Variants in CNTNAP2 observed in about 807,000 individuals in gnomAD.
The protein encoded by CNTNAP2 is contactin-associated protein-like 2.
A neutral mutation model predicts 155.2 loss-of-function variants in CNTNAP2; 98 were observed. The ratio of observed to expected loss-of-function variants is 0.63; its 90% CI spans 0.54 to 0.75. The LOEUF is 0.75. CNTNAP2 is among the 30% of genes least tolerant of loss of function. CNTNAP2 has a pLI of 0.00. For synonymous variants in CNTNAP2, 651 were observed against 631.2 expected, an observed-to-expected ratio of 1.03 and a Z score of -0.47; for missense variants, 1,727 against 1,688.1, an observed-to-expected ratio of 1.02 and a Z score of -0.40.
At chr7:147,796,570 T>C (rs796884097) in intron 13 of CNTNAP2, among the ~76,000 whole-genome samples, 24 of 139,126 alleles carry the variant, frequency 1.7e-4, no homozygotes, top group African/African-American at 7.0e-4. Context: ...AGGAAGCTGG[T>C]CCAGGATTTA....
In CNTNAP2 at chr7:147,549,155, G is replaced by A. The variant is rs747302858; in HGVS notation, c.1778-12983G>A. On this transcript the variant is annotated intron_variant, in intron 11 of 23. Transcript: ENST00000361727. ...CTGTGAAGAATGTCAATGGTAGTTT[G>A]ATGGGAATAGTATTGAATCTATAAA... Among the ~76,000 whole-genome samples, 8 of 152,174 alleles carry A rather than the reference G, an allele frequency of 5.3e-5. 1 individual carries two copies.
Position 147,008,642 on chromosome 7 carries a change from A to G in CNTNAP2, c.403-35265A>G, listed in dbSNP as rs139232583. On this transcript the variant is annotated intron_variant, in intron 3 of 23. Coordinates refer to ENST00000361727, the MANE Select transcript of CNTNAP2 (RefSeq NM_014141.6). Reference sequence around the variant, plus strand: ...TAAGTAACTCAAAGGATTGGTTACAATGTAGGCTTATATAGCATTCTGACA... The same window carrying G: ...TAAGTAACTCAAAGGATTGGTTACAGTGTAGGCTTATATAGCATTCTGACA... 3.3e-3 allele frequency among the ~76,000 whole-genome samples: 503 copies of G among 152,286 alleles called. 1 individual carries two copies. The highest frequency in any genetic ancestry group is 0.011 in the African/African-American group (474 of 41,582).
intron 12 of CNTNAP2, among the ~76,000 whole-genome samples, chr7:147,607,540 C>T (rs1395341309): frequency 6.6e-6 from 1 of 152,164 alleles, no homozygotes; most frequent in Admixed American, 6.5e-5. Context: ...AAGGGAAAGT[C>T]ACATATAACA....
intron 1 of CNTNAP2, among the ~76,000 whole-genome samples, chr7:146,537,329 G>T (rs1365449644): frequency 2.0e-5 from 3 of 151,880 alleles, no homozygotes; most frequent in African/African-American, 7.3e-5. Flanking sequence ...TGAAATTAAT[G>T]CCTATTTTAA....
intron 1 of CNTNAP2, among the ~76,000 whole-genome samples, chr7:146,607,921 C>T (rs528596538): frequency 1.8e-4 from 28 of 152,222 alleles, no homozygotes; most frequent in African/African-American, 6.5e-4. Context: ...TTTACCATGC[C>T]TCAGTCCCTT....
intron 18 of CNTNAP2, among the ~76,000 whole-genome samples, chr7:148,187,694 C>G (rs565189629): frequency 1.3e-4 from 20 of 152,240 alleles, no homozygotes; most frequent in African/African-American, 4.8e-4. Context: ...TATGAGCTTC[C>G]GGCCGCTCAA....
intron 13 of CNTNAP2, among the ~76,000 whole-genome samples, chr7:147,683,023 A>G (rs866279117): frequency 1.7e-4 from 26 of 152,016 alleles, no homozygotes; most frequent in Middle Eastern, 3.4e-3. Flanking sequence ...CCTACTATTT[A>G]CTACTTTGGC....
intron 21 of CNTNAP2, among the ~76,000 whole-genome samples, chr7:148,276,062 C>T (rs1049288534): frequency 3.9e-5 from 6 of 152,040 alleles, no homozygotes; most frequent in South Asian, 2.1e-4. Flanking sequence ...AGATCAAAGG[C>T]GGCTTTACCA....
intron 1 of CNTNAP2, among the ~76,000 whole-genome samples, chr7:146,157,384 A>G (rs1005098252): frequency 6.6e-6 from 1 of 152,172 alleles, no homozygotes; most frequent in Admixed American, 6.5e-5. Flanking sequence ...TACCGGCTTC[A>G]TCTCACTGGG....
At chr7:147,711,760 T>A (rs1158002448) in intron 13 of CNTNAP2, among the ~76,000 whole-genome samples, 1 of 152,184 alleles carries the variant, frequency 6.6e-6, no homozygotes, top group Non-Finnish European at 1.5e-5. Context: ...GACAATCAGC[T>A]AAGATGTCAA....
At chr7:147,588,957 G>T (rs1458521384) in intron 12 of CNTNAP2, among the ~76,000 whole-genome samples, 1 of 152,124 alleles carries the variant, frequency 6.6e-6, no homozygotes, top group African/African-American at 2.4e-5. Context: ...CATTATAAGG[G>T]TATATGTTGA....
At chr7:147,123,104 G>A (rs1801154532) in intron 6 of CNTNAP2, among the ~76,000 whole-genome samples, 1 of 152,006 alleles carries the variant, frequency 6.6e-6, no homozygotes, top group Non-Finnish European at 1.5e-5. Context: ...TTATTGGAAA[G>A]TATTTTATCC....
At chr7:147,474,411 A>T (rs766299290) in intron 10 of CNTNAP2, among the ~76,000 whole-genome samples, 1 of 152,168 alleles carries the variant, frequency 6.6e-6, no homozygotes, top group Non-Finnish European at 1.5e-5. Flanking sequence ...CCTGGCCAAC[A>T]TGGTGAAACC....
intron 12 of CNTNAP2, among the ~76,000 whole-genome samples, chr7:147,596,797 A>T (rs1472214323): frequency 6.6e-6 from 1 of 152,174 alleles, no homozygotes; most frequent in Non-Finnish European, 1.5e-5. Context: ...TTGGCACAAG[A>T]TACAGGTCAT....
chr7:148,197,941 C>T (rs1795303191), intron 18 of CNTNAP2, among the ~76,000 whole-genome samples: 1 of 152,212 alleles, frequency 6.6e-6, no homozygotes, highest in African/African-American at 2.4e-5. Context: ...TTTGTGTGGT[C>T]ATCCTTTGAG....
Position 147,894,543 on chromosome 7 carries a change from AG to A in CNTNAP2, c.2099-9019del, listed in dbSNP as rs573122674. ...CTATTTCCTCAGCTGAAGAGCCCCC[AG>A]GGACTCTTTAACAGAATTTGTAGAT... On this transcript the variant is annotated intron_variant, in intron 13 of 23. Transcript: ENST00000361727. Among the ~76,000 whole-genome samples, 8 of 152,336 alleles carry A rather than the reference AG, an allele frequency of 5.3e-5. No homozygotes were observed. The South Asian group carries it at 1.4e-3, about 28-fold the overall frequency.
intron 2 of CNTNAP2, among the ~76,000 whole-genome samples, chr7:146,829,087 T>G (rs1191990171): frequency 6.6e-6 from 1 of 152,076 alleles, no homozygotes; most frequent in Non-Finnish European, 1.5e-5. Context: ...CAAATTAACA[T>G]CCTTAAATCA....
At chr7:146,480,437 AT>A (rs1796942021) in intron 1 of CNTNAP2, among the ~76,000 whole-genome samples, 1 of 151,798 alleles carries the variant, frequency 6.6e-6, no homozygotes, top group Admixed American at 6.6e-5. Context: ...ATAATATGTA[AT>A]TTTATGTAAT....
intron 15 of CNTNAP2, among the ~76,000 whole-genome samples, chr7:148,010,595 C>T (rs1802061378): frequency 6.6e-6 from 1 of 151,420 alleles, no homozygotes; most frequent in Non-Finnish European, 1.5e-5. Context: ...CCAAATTTTC[C>T]ATCATCAAAC....
Sources: allele counts gnomAD v4.1 joint callset (sites outside exome capture counted in the v4.1 genomes callset), GRCh38; gene constraint gnomAD v4.1.1; transcripts MANE v1.5; gene names NCBI Gene and HGNC (gene_info 2026-07-23, HGNC 2026-07-21).